Variants in ATP7B observed in about 807,000 individuals in gnomAD.
The protein encoded by ATP7B is copper-transporting ATPase 2.
A neutral mutation model predicts 118.9 loss-of-function variants in ATP7B; 113 were observed. The observed-to-expected ratio is 0.95, with a 90% CI of 0.82 to 1.11. The LOEUF (loss-of-function observed/expected upper bound fraction) is 1.11, where lower values mean the gene tolerates loss of function less well. Among genes scored for constraint, ATP7B ranks in the 50% most tolerant of loss-of-function variants. ATP7B has a pLI of 0.00. For missense variants in ATP7B, 1,867 were observed against 1,871.4 expected (o/e 1.00, Z 0.04); for synonymous variants, 777 against 727.4 (o/e 1.07, Z -1.10).
intron 2 of ATP7B, among the ~76,000 whole-genome samples, chr13:51,973,193 C>A (rs1164878743): frequency 6.6e-6 from 1 of 152,080 alleles, no homozygotes; most frequent in Non-Finnish European, 1.5e-5. Context: ...GCAGTAAAAT[C>A]TTTTGAGAAG....
At chr13:51,938,466 C>A (rs1957109536) in intron 17 of ATP7B, among the ~76,000 whole-genome samples, 1 of 152,158 alleles carries the variant, frequency 6.6e-6, no homozygotes. Flanking sequence ...GCAAGGAGGA[C>A]CATGGAAAAC....
Position 51,970,589 on chromosome 13 carries a change from G to A in ATP7B, c.1446C>T (p.Thr482=), listed in dbSNP as rs780668506. The change falls in exon 3 of 21, where the codon ACC becomes ACT. Residue 482 remains threonine (T), a synonymous_variant. Coordinates refer to ENST00000242839, the MANE Select transcript of ATP7B (RefSeq NM_000053.4). The stretch of plus-strand genomic sequence containing the variant: ...AGCACTTCTGCGGTGCCACTGCTCT[G>A]GTTGATTGTGGGGACTTTGCCAAGA... ...PDILAKSPQS[T]RAVAPQKCFL... is the part of the protein sequence containing the mutation. 3 of 1,614,002 alleles carry A rather than the reference G, an allele frequency of 1.9e-6. No homozygotes were observed. The highest frequency in any genetic ancestry group is 2.7e-5 in the African/African-American group (2 of 74,904).
chr13:51,937,832 A>G (rs1458873959), intron 17 of ATP7B, among the ~76,000 whole-genome samples, 153 bp from the exon 18 acceptor site: 1 of 152,200 alleles, frequency 6.6e-6, no homozygotes, highest in Non-Finnish European at 1.5e-5. Flanking sequence ...TCACAGGGCC[A>G]GTTTATCCCT....
intron 5 of ATP7B, among the ~76,000 whole-genome samples, chr13:51,963,535 A>G (rs965045602): frequency 6.6e-6 from 1 of 151,822 alleles, no homozygotes; most frequent in African/African-American, 2.4e-5. Context: ...CAGGAGTTCT[A>G]GACCAGCCTG....
chr13:52,000,478 T>C (rs140591674), intron 1 of ATP7B, among the ~76,000 whole-genome samples: 174 of 152,264 alleles, frequency 1.1e-3, no homozygotes, highest in African/African-American at 4.0e-3. Context: ...ACATATGAAT[T>C]TGGCAGGGAC....
At position 51,974,440 on chromosome 13, in the gene ATP7B, T is replaced by C. The variant is rs762704939; in HGVS notation, c.780A>G (p.Gln260=). Reference sequence around the variant, plus strand: ...TACAATGCATTCCATCTATTCTCAGTTGGAGGGTGACCACATGGCTTCCTT... The same window carrying C: ...TACAATGCATTCCATCTATTCTCAGCTGGAGGGTGACCACATGGCTTCCTT... ...GHQGSHVVTL[Q]LRIDGMHCKS... The change falls in exon 2 of 21, where the codon CAA becomes CAG. Residue 260 remains glutamine (Q), a synonymous_variant. Coordinates refer to ENST00000242839, the MANE Select transcript of ATP7B (RefSeq NM_000053.4). 10 of 1,614,046 alleles carry C rather than the reference T, an allele frequency of 6.2e-6. No homozygotes were observed. The highest frequency in any genetic ancestry group is 8.5e-6 in the Non-Finnish European group (10 of 1,180,010).
At chr13:52,007,227 A>C (rs2140663521) in intron 1 of ATP7B, among the ~76,000 whole-genome samples, 1 of 152,300 alleles carries the variant, frequency 6.6e-6, no homozygotes, top group East Asian at 1.9e-4. Flanking sequence ...TAAAAGCTAT[A>C]TTCATTAAAT....
Position 51,950,117 on chromosome 13 carries a change from C to T in ATP7B, c.2620G>A (p.Ala874Thr). 2 of 1,614,208 alleles carry T rather than the reference C, an allele frequency of 1.2e-6. No homozygotes were observed. The highest frequency in any genetic ancestry group is 1.7e-6 in the Non-Finnish European group (2 of 1,180,028). ...GAGCCATGTGCATTTATAGACCCCG[C>T]AATTACAGTGCTTCCGGGTTTCTTA... ...VTKKPGSTVIAGSINAHGSVL... is the reference protein window; with the variant it reads ...VTKKPGSTVITGSINAHGSVL... Residue 874 changes from alanine (A) to threonine (T), a missense_variant, in exon 11 of 21, where the codon GCG becomes ACG. Coordinates refer to ENST00000242839, the MANE Select transcript of ATP7B (RefSeq NM_000053.4).
chr13:52,003,949 A>G (rs1017631449), intron 1 of ATP7B, among the ~76,000 whole-genome samples: 1 of 152,216 alleles, frequency 6.6e-6, no homozygotes, highest in Non-Finnish European at 1.5e-5. Context: ...AGGGCTCCTA[A>G]GCAGGCTCCC....
At chr13:51,993,163 T>G (rs1953010854) in intron 1 of ATP7B, among the ~76,000 whole-genome samples, 1 of 152,072 alleles carries the variant, frequency 6.6e-6, no homozygotes, top group African/African-American at 2.4e-5. Flanking sequence ...CACATTCATA[T>G]TTGTTGGGAA....
chr13:51,998,677 C>T (rs1325343729), intron 1 of ATP7B, among the ~76,000 whole-genome samples: 1 of 152,170 alleles, frequency 6.6e-6, no homozygotes, highest in African/African-American at 2.4e-5. Flanking sequence ...ACCTCCTATT[C>T]GCCTTCCCAG....
intron 11 of ATP7B, 29 bp downstream of exon 11, chr13:51,949,978 G>A (rs1217395133): frequency 6.2e-7 from 1 of 1,614,102 alleles, no homozygotes; most frequent in Non-Finnish European, 8.5e-7. Flanking sequence ...CGAGAAAGAT[G>A]AAGTTAGTTT....
rs1483616454 is a variant in ATP7B at position 51,975,097 on chromosome 13, A to C, written c.123T>G (p.Asn41Lys). 6.2e-7 allele frequency: 1 copy of C among 1,614,126 alleles called. No homozygotes were observed. The highest frequency in any genetic ancestry group is 1.3e-5 in the African/African-American group (1 of 74,944). Reference sequence around the variant, plus strand: ...CATCCAGACCACCTTCATAGCCAACATTGTCAAAAGCAAAACTCTTCTTCA... The same window carrying C: ...CATCCAGACCACCTTCATAGCCAACCTTGTCAAAAGCAAAACTCTTCTTCA... ...PAMKKSFAFD[N>K]VGYEGGLDGL... Residue 41 changes from asparagine to lysine, a missense_variant, in exon 2 of 21, where the codon AAT (asparagine) becomes AAG (lysine). Physicochemically the swap from Asn to Lys is moderately conservative, Grantham distance 94 (BLOSUM62 0). Coordinates refer to ENST00000242839, the MANE Select transcript of ATP7B (RefSeq NM_000053.4).
At chr13:51,943,485 T>G (rs1469756491) in intron 14 of ATP7B, among the ~76,000 whole-genome samples, 1 of 152,200 alleles carries the variant, frequency 6.6e-6, no homozygotes, top group Non-Finnish European at 1.5e-5. Context: ...CTTTCTACAT[T>G]TACTGCTAAC....
At position 51,934,632 on chromosome 13, in the gene ATP7B, C is replaced by G; in HGVS notation, c.*124G>C. ...CGTGCTGCAGGGCAGGATGACTGGA[C>G]ATATCCAGGGAGCGGAAGTCCCCAA... On this transcript the variant is annotated 3_prime_UTR_variant, in exon 21 of 21. Coordinates refer to ENST00000242839, the MANE Select transcript of ATP7B (RefSeq NM_000053.4). 1 of 1,462,042 alleles carries G rather than the reference C, an allele frequency of 6.8e-7. No individual in the cohort carries two copies. The highest frequency in any genetic ancestry group is 9.4e-7 in the Non-Finnish European group (1 of 1,068,460). 90.6% of individuals were successfully genotyped at this position (1,462,042 alleles called of 1,614,324 possible). A position where few individuals can be genotyped will look rare whatever the true frequency, so the allele number is the denominator to read the frequency against.
chr13:51,974,889 G>C lies in ATP7B; in HGVS notation c.331C>G (p.Gln111Glu). 2.5e-6 allele frequency: 4 copies of C among 1,614,232 alleles called. No individual in the cohort carries two copies. Among genetic ancestry groups the C allele is most frequent in the Non-Finnish European group, 3.4e-6 (4 of 1,180,056 alleles). Residue 111 changes from glutamine to glutamate, a missense_variant, in exon 2 of 21, where the codon CAG becomes GAG. Transcript: ENST00000242839. ...ATGTCCCCAATTTGATGGCAAACCT[G>C]TTGCAGGCACACAACCGATGGCACA... Reference protein sequence around the residue: ...KYVPSVVCLQQVCHQIGDMGF... With the variant: ...KYVPSVVCLQEVCHQIGDMGF...
At chr13:51,955,879 G>T (rs1054103696) in intron 9 of ATP7B, among the ~76,000 whole-genome samples, 1 of 152,218 alleles carries the variant, frequency 6.6e-6, no homozygotes, top group African/African-American at 2.4e-5. Flanking sequence ...GGTCCTGTTT[G>T]GGGGCAGCGC....
chr13:52,010,820 C>T (rs1953989805), intron 1 of ATP7B, among the ~76,000 whole-genome samples: 1 of 152,188 alleles, frequency 6.6e-6, no homozygotes, highest in South Asian at 2.1e-4. Context: ...GCTTTTTGTG[C>T]AAAATATTTC....
At position 51,951,734 on chromosome 13, in the gene ATP7B, CA is replaced by C. The variant is rs139085071; in HGVS notation, c.2448-1336del. Among the ~76,000 whole-genome samples the C allele has an allele frequency of 9.9e-5, 15 of 152,248 alleles. No individual in the cohort carries two copies. In the East Asian group the frequency reaches 2.9e-3, roughly 29 times the overall value. Reference sequence around the variant, plus strand: ...GGAGGGAGCACCCATCCAACCACACCAAACGCTGCACAAGTAGTTCCACAGG... The same window carrying C: ...GGAGGGAGCACCCATCCAACCACACCAACGCTGCACAAGTAGTTCCACAGG... On this transcript the variant is annotated intron_variant, in intron 9 of 20. Coordinates refer to ENST00000242839, the MANE Select transcript of ATP7B (RefSeq NM_000053.4).
Sources: gnomAD v4.1 joint callset for allele counts (sites outside exome capture counted in the v4.1 genomes callset) on GRCh38, gnomAD v4.1.1 for gene constraint, MANE v1.5 for transcripts, NCBI Gene and HGNC (gene_info 2026-07-23, HGNC 2026-07-21) for gene names.